Variants in CAPN3 observed in about 807,000 individuals in gnomAD.
CAPN3 encodes calpain-3.
Under a neutral mutation model 114.0 loss-of-function variants are expected in CAPN3, and 88 were observed. The ratio of observed to expected loss-of-function variants is 0.77; its 90% CI spans 0.65 to 0.92. The LOEUF (loss-of-function observed/expected upper bound fraction) is 0.92, where lower values mean the gene tolerates loss of function less well. Among genes scored for constraint, CAPN3 ranks in the 40% least tolerant of loss-of-function variants. The pLI, the probability that CAPN3 is intolerant of heterozygous loss-of-function variation, is 0.00. For missense variants in CAPN3, 1,028 were observed against 1,069.0 expected (o/e 0.96, Z 0.53); for synonymous variants, 386 against 382.9 (o/e 1.01, Z -0.09).
chr15:42,368,248 A>G (rs185480354), intron 1 of CAPN3, among the ~76,000 whole-genome samples: 8 of 152,298 alleles, frequency 5.3e-5, no homozygotes, highest in Admixed American at 4.6e-4. Flanking sequence ...GGCAACACTC[A>G]GCCTTCTTGT....
chr15:42,366,085 G>A (rs1284590306), intron 1 of CAPN3, among the ~76,000 whole-genome samples: 1 of 152,192 alleles, frequency 6.6e-6, no homozygotes, highest in East Asian at 1.9e-4. Context: ...ACCCAGCTGA[G>A]TGCAGTAGAA....
intron 4 of CAPN3, 53 bp downstream of exon 4, chr15:42,387,939 C>T (rs1286798937): frequency 1.9e-6 from 3 of 1,610,972 alleles, no homozygotes; most frequent in Middle Eastern, 1.7e-4. Flanking sequence ...AAGTGGGTTG[C>T]AAAATCCAGC....
chr15:42,406,089 C>G (rs531537038), intron 15 of CAPN3, 146 bp downstream of exon 15: 6 of 774,540 alleles, frequency 7.7e-6, no homozygotes, highest in South Asian at 1.5e-5. Context: ...CTGCTGGGGC[C>G]GAGCGTGCAG....
intron 1 of CAPN3, among the ~76,000 whole-genome samples, chr15:42,383,152 C>T (rs1028705479): frequency 1.3e-5 from 2 of 152,156 alleles, no homozygotes; most frequent in Non-Finnish European, 2.9e-5. Flanking sequence ...TAGGAGTATA[C>T]ACCCCTGAGT....
Position 42,408,193 on chromosome 15 carries a change from C to T in CAPN3, c.1801-18C>T. On this transcript the variant is annotated intron_variant, in intron 15 of 23. Coordinates refer to ENST00000397163, the MANE Select transcript of CAPN3 (RefSeq NM_000070.3). ...TGTAATCCTCCCTTCCTTCCTGCCT[C>T]CTCCCTCCTCTCTCCAGCCCATCAT... 1 of 1,567,342 alleles carries T rather than the reference C, an allele frequency of 6.4e-7. No homozygotes were observed. The highest frequency in any genetic ancestry group is 8.8e-7 in the Non-Finnish European group (1 of 1,138,710).
chr15:42,395,037 G>A (rs2053653194), intron 8 of CAPN3, among the ~76,000 whole-genome samples: 1 of 152,152 alleles, frequency 6.6e-6, no homozygotes, highest in Non-Finnish European at 1.5e-5. Flanking sequence ...AGAGGAGAAG[G>A]ACCGCACCCA....
At chr15:42,395,335 C>T (rs1014044969) in intron 8 of CAPN3, among the ~76,000 whole-genome samples, 6 of 152,312 alleles carry the variant, frequency 3.9e-5, no homozygotes, top group African/African-American at 1.4e-4. Context: ...GTGCTGACTT[C>T]TGCCAGGCCC....
Position 42,360,051 on chromosome 15 carries a change from G to A in CAPN3, c.246G>A (p.Pro82=), listed in dbSNP as rs146529432. Reference sequence around the variant, plus strand: ...TTTATGTGGACCCTGAGTTCCCACCGGATGAGACCTCTCTCTTTTATAGCC... The same window carrying A: ...TTTATGTGGACCCTGAGTTCCCACCAGATGAGACCTCTCTCTTTTATAGCC... ...KVLYVDPEFP[P]DETSLFYSQK... The change falls in exon 1 of 24, where the codon CCG becomes CCA. Residue 82 remains proline (P), a synonymous_variant. Coordinates refer to ENST00000397163, the MANE Select transcript of CAPN3 (RefSeq NM_000070.3). 8.1e-5 allele frequency: 130 copies of A among 1,614,192 alleles called. No individual in the cohort carries two copies. The African/African-American group carries it at 1.3e-3, about 16-fold the overall frequency.
chr15:42,386,228 A>G lies in CAPN3; in HGVS notation c.441A>G (p.Arg147=). The change falls in exon 3 of 24, where the codon CGA becomes CGG. Residue 147 remains arginine, a synonymous_variant. Transcript: ENST00000397163. The part of the protein sequence containing the change: ...CLTLNQHLLF[R]VIPHDQSFIE... Reference sequence around the variant, plus strand: ...CCCTGAACCAGCACCTTCTTTTCCGAGTCATACCCCATGATCAAAGTTTCA... The same window carrying G: ...CCCTGAACCAGCACCTTCTTTTCCGGGTCATACCCCATGATCAAAGTTTCA... 2 of 1,614,052 alleles carry G rather than the reference A, an allele frequency of 1.2e-6. No homozygotes were observed. Among genetic ancestry groups the G allele is most frequent in the South Asian group, 2.2e-5 (2 of 91,084 alleles).
At chr15:42,393,993 G>A (rs541032817) in intron 7 of CAPN3, among the ~76,000 whole-genome samples, 15 of 152,088 alleles carry the variant, frequency 9.9e-5, no homozygotes, top group African/African-American at 1.9e-4. Context: ...AGCTCATAAC[G>A]GCAGGATGTT....
Position 42,398,590 on chromosome 15 carries a change from T to TACACACAC in CAPN3, c.1194-864_1194-857dup, listed in dbSNP as rs376966106. ...CAGAGCGAGACTCTGTCTCAAAAAA[T>TACACACAC]ACACACACACACACACACACACACA... On this transcript the variant is annotated intron_variant, in intron 9 of 23. Coordinates refer to ENST00000397163, the MANE Select transcript of CAPN3 (RefSeq NM_000070.3). 3.7e-3 allele frequency among the ~76,000 whole-genome samples: 441 copies of TACACACAC among 120,332 alleles called. 1 individual carries two copies. Among genetic ancestry groups the TACACACAC allele is most frequent in the Non-Finnish European group, 5.9e-3 (332 of 56,572 alleles). 78.9% of individuals were successfully genotyped at this position (120,332 alleles called of 152,430 possible). A position where few individuals can be genotyped will look rare whatever the true frequency, so the allele number is the denominator to read the frequency against.
chr15:42,403,122 A>G, intron 13 of CAPN3, 120 bp downstream of exon 13: 1 of 777,460 alleles, frequency 1.3e-6, no homozygotes, highest in East Asian at 2.6e-5. Flanking sequence ...CTCCTGAGCC[A>G]CTGGCCACAT....
chr15:42,403,253 A>T (rs764618842), intron 13 of CAPN3, among the ~76,000 whole-genome samples: 1 of 152,260 alleles, frequency 6.6e-6, no homozygotes, highest in South Asian at 2.1e-4. Flanking sequence ...CCCTGCCTTC[A>T]TGGAGCTTAA....
chr15:42,360,368 A>G (rs1029933781), intron 1 of CAPN3, among the ~76,000 whole-genome samples: 15 of 111,470 alleles, frequency 1.3e-4, no homozygotes, highest in East Asian at 4.2e-4. Flanking sequence ...TTTCTCTCTG[A>G]AAAAAAAAAA....
At chr15:42,402,705 G>A in intron 12 of CAPN3, 89 bp from the exon 13 acceptor site, 1 of 1,578,586 alleles carries the variant, frequency 6.3e-7, no homozygotes, top group South Asian at 1.1e-5. Context: ...TGACCAGGGA[G>A]TTGGGAAGGG....
intron 1 of CAPN3, among the ~76,000 whole-genome samples, chr15:42,383,303 C>G (rs1479732016): frequency 2.6e-5 from 4 of 152,088 alleles, no homozygotes; most frequent in African/African-American, 4.8e-5. Flanking sequence ...AAAACCAGAT[C>G]ACTAGCCTGG....
chr15:42,402,713 G>T, intron 12 of CAPN3, 81 bp from the exon 13 acceptor site: 1 of 1,582,632 alleles, frequency 6.3e-7, no homozygotes, highest in Non-Finnish European at 8.7e-7. Context: ...GAGTTGGGAA[G>T]GGACCCTTGG....
intron 19 of CAPN3, 42 bp from the exon 20 acceptor site, chr15:42,410,386 G>T (rs887418997): frequency 5.7e-6 from 9 of 1,591,166 alleles, no homozygotes; most frequent in African/African-American, 2.7e-5. Flanking sequence ...AATCCAGGGG[G>T]ATTTTGCTGT....
intron 9 of CAPN3, among the ~76,000 whole-genome samples, chr15:42,398,358 G>A (rs1342456383): frequency 6.6e-6 from 1 of 152,094 alleles, no homozygotes; most frequent in Non-Finnish European, 1.5e-5. Context: ...GCTGAGGCGG[G>A]CAGATCACTT....
Sources: gnomAD v4.1 joint callset for allele counts (sites outside exome capture counted in the v4.1 genomes callset) on GRCh38, gnomAD v4.1.1 for gene constraint, MANE v1.5 for transcripts, NCBI Gene and HGNC (gene_info 2026-07-23, HGNC 2026-07-21) for gene names.